DLG2: variants seen among roughly 807,000 people sequenced by gnomAD.
DLG2 encodes the protein disks large homolog 2.
In DLG2, 45 loss-of-function variants were observed where a neutral mutation model predicts 132.5. The observed-to-expected ratio is 0.34, with a 90% CI of 0.27 to 0.44. The LOEUF (loss-of-function observed/expected upper bound fraction) is 0.44, where lower values mean the gene tolerates loss of function less well. Among genes scored for constraint, DLG2 ranks in the 20% least tolerant of loss-of-function variants. DLG2 has a pLI of 1.00. For synonymous variants in DLG2, 424 were observed against 419.6 expected, an observed-to-expected ratio of 1.01 and a Z score of -0.13; for missense variants, 1,045 against 1,196.9, an observed-to-expected ratio of 0.87 and a Z score of 1.87.
chr11:85,402,141 G>A (rs1300933150), intron 3 of DLG2, among the ~76,000 whole-genome samples: 2 of 151,926 alleles, frequency 1.3e-5, no homozygotes, highest in African/African-American at 2.4e-5. Flanking sequence ...TACCAAAACA[G>A]AGATATAGAC....
chr11:84,732,954 T>C (rs1041320435), intron 6 of DLG2, among the ~76,000 whole-genome samples: 31 of 152,156 alleles, frequency 2.0e-4, no homozygotes, highest in African/African-American at 7.0e-4. Flanking sequence ...TCCATGTCCC[T>C]ACAAAGGACA....
chr11:84,530,718 T>C (rs1030448757), intron 7 of DLG2, among the ~76,000 whole-genome samples: 3 of 152,160 alleles, frequency 2.0e-5, no homozygotes, highest in African/African-American at 4.8e-5. Flanking sequence ...AGTTTGACAA[T>C]TTCTCAAATA....
At chr11:84,865,407 C>T (rs2084395318) in intron 6 of DLG2, among the ~76,000 whole-genome samples, 1 of 152,104 alleles carries the variant, frequency 6.6e-6, no homozygotes, top group Non-Finnish European at 1.5e-5. Flanking sequence ...TTTCATTATA[C>T]CTCACATTTA....
intron 3 of DLG2, among the ~76,000 whole-genome samples, chr11:85,415,226 A>G (rs1442923323): frequency 2.6e-5 from 4 of 152,196 alleles, no homozygotes; most frequent in African/African-American, 2.4e-5. Flanking sequence ...TCCATGGCAT[A>G]TATGTGCCAC....
chr11:84,816,602 C>A (rs766011685), intron 6 of DLG2, among the ~76,000 whole-genome samples: 6 of 151,848 alleles, frequency 4.0e-5, no homozygotes, highest in Non-Finnish European at 7.4e-5. Context: ...TATACAGAAT[C>A]TCTAATTCAT....
chr11:84,967,267 G>A (rs1018216913), intron 6 of DLG2, among the ~76,000 whole-genome samples: 4 of 152,018 alleles, frequency 2.6e-5, no homozygotes, highest in Admixed American at 2.6e-4. Context: ...TAAAAAACAG[G>A]AATTGGAAAG....
intron 11 of DLG2, among the ~76,000 whole-genome samples, chr11:84,000,643 C>T (rs979635337): frequency 6.6e-6 from 1 of 152,064 alleles, no homozygotes; most frequent in Non-Finnish European, 1.5e-5. Flanking sequence ...ACAAGGGAAT[C>T]TCCACTAGAC....
At chr11:83,913,697 G>A (rs2154114048) in intron 15 of DLG2, among the ~76,000 whole-genome samples, 1 of 152,212 alleles carries the variant, frequency 6.6e-6, no homozygotes, top group African/African-American at 2.4e-5. Flanking sequence ...GTGGCCAGGT[G>A]AATGGTACAT....
At chr11:84,156,853 AG>A (rs1429588163) in intron 9 of DLG2, among the ~76,000 whole-genome samples, 1 of 152,234 alleles carries the variant, frequency 6.6e-6, no homozygotes, top group Non-Finnish European at 1.5e-5. Context: ...GTTGTCTAAT[AG>A]TGGCCTCCCC....
intron 4 of DLG2, among the ~76,000 whole-genome samples, chr11:85,283,004 C>A (rs2078330155): frequency 6.6e-6 from 1 of 151,958 alleles, no homozygotes. Context: ...ACAAATACTG[C>A]ATGTTCTCAC....
intron 10 of DLG2, among the ~76,000 whole-genome samples, chr11:84,078,001 G>T (rs1250049979): frequency 6.6e-6 from 1 of 151,922 alleles, no homozygotes; most frequent in Non-Finnish European, 1.5e-5. Context: ...TCTAGACTGG[G>T]TTTTATGATT....
Position 83,748,957 on chromosome 11 carries a change from A to G in DLG2, c.1825+37733T>C, listed in dbSNP as rs539999614. 2.5e-3 allele frequency among the ~76,000 whole-genome samples: 378 copies of G among 152,284 alleles called. 2 individuals carry two copies. The highest frequency in any genetic ancestry group is 9.1e-3 in the South Asian group (44 of 4,824). On this transcript the variant is annotated intron_variant, in intron 18 of 27. Transcript: ENST00000376104. The stretch of plus-strand genomic sequence containing the variant: ...TAAAAGATCAATTTATCTCTAAAAC[A>G]TTTTTCATACTCTAACATTTTATGG...
chr11:84,667,498 G>GTTT lies in DLG2; in HGVS notation c.358-132770_358-132768dup, dbSNP rs57863742. ...TTTTTGTTTTTGTTTTTTGTTTTTT[G>GTTT]TTTTTTTTTTTTTTTTGAGTCATAG... On this transcript the variant is annotated intron_variant, in intron 6 of 27. Transcript: ENST00000376104. 8.6e-4 allele frequency among the ~76,000 whole-genome samples: 105 copies of GTTT among 122,216 alleles called. 1 individual carries two copies. The highest frequency in any genetic ancestry group is 1.9e-3 in the South Asian group (7 of 3,766). The allele number at this position is 122,216 out of a possible 152,430, so 80.2% of individuals were successfully genotyped here.
At chr11:84,161,957 T>C (rs933064820) in intron 9 of DLG2, among the ~76,000 whole-genome samples, 16 of 152,174 alleles carry the variant, frequency 1.1e-4, no homozygotes, top group Admixed American at 1.0e-3. Context: ...AACCCATCTG[T>C]CAAACACTTA....
intron 7 of DLG2, among the ~76,000 whole-genome samples, chr11:84,388,130 T>C (rs1212312662): frequency 6.6e-6 from 1 of 152,204 alleles, no homozygotes; most frequent in Non-Finnish European, 1.5e-5. Flanking sequence ...ACAGCCTCAC[T>C]GACAAACATA....
At chr11:85,395,587 C>G (rs190834968) in intron 3 of DLG2, among the ~76,000 whole-genome samples, 134 of 152,346 alleles carry the variant, frequency 8.8e-4, no homozygotes, top group African/African-American at 3.1e-3. Context: ...TAGCAACCAG[C>G]AGACCAGGAG....
At chr11:84,746,627 T>A (rs2065400661) in intron 6 of DLG2, among the ~76,000 whole-genome samples, 1 of 152,210 alleles carries the variant, frequency 6.6e-6, no homozygotes, top group Non-Finnish European at 1.5e-5. Context: ...AATAAAATGT[T>A]ATATATGCAA....
intron 7 of DLG2, among the ~76,000 whole-genome samples, chr11:84,452,821 G>C (rs186352302): frequency 1.2e-3 from 178 of 151,710 alleles, no homozygotes; most frequent in African/African-American, 4.2e-3. Context: ...AGCTACTCAG[G>C]TTGGGGCATG....
chr11:83,505,686 T>A (rs376844011), intron 21 of DLG2, among the ~76,000 whole-genome samples: 45 of 152,226 alleles, frequency 3.0e-4, no homozygotes, highest in African/African-American at 8.9e-4. Context: ...CAGTATATAA[T>A]TGCACATCTG....
Sources: gnomAD v4.1 joint callset for allele counts (sites outside exome capture counted in the v4.1 genomes callset) on GRCh38, gnomAD v4.1.1 for gene constraint, MANE v1.5 for transcripts, NCBI Gene and HGNC (gene_info 2026-07-23, HGNC 2026-07-21) for gene names.